The following CISTR variants were observed in gnomAD, a reference collection of about 807,000 sequenced individuals.
CISTR encodes the protein chondrogenic regulator lncRNA.
intron 1 of CISTR, among the ~76,000 whole-genome samples, chr12:53,753,665 GGT>G (rs55769002): frequency 0.22 from 30,756 of 140,982 alleles, 3,136 homozygotes; most frequent in South Asian, 0.37. Flanking sequence ...AATGCATAGG[GGT>G]GTGTGTGTGT....
rs1030361270 is a variant in CISTR at position 53,751,988 on chromosome 12, C to G, written n.415-1023G>C. ...TCTTCCACAGGGTCTCTCCCTCCCC[C>G]TCTCCCCGTGGTTGTCAGACTTTCT... On this transcript the variant is annotated intron_variant and non_coding_transcript_variant, in intron 1 of 2. Transcript: ENST00000669269. The surrounding 1 kb of genome is among the most constrained non-coding windows in gnomAD (Gnocchi z 4.6). Among the ~76,000 whole-genome samples the G allele has an allele frequency of 1.3e-5, 2 of 152,226 alleles. No individual in the cohort carries two copies. Among genetic ancestry groups the G allele is most frequent in the South Asian group, 2.1e-4 (1 of 4,808 alleles).
intron 2 of CISTR, among the ~76,000 whole-genome samples, chr12:53,747,029 G>A (rs184900811): frequency 9.1e-4 from 138 of 152,324 alleles, no homozygotes; most frequent in African/African-American, 2.7e-3. Context: ...AAAGTGGATA[G>A]TGGAGACAAG....
intron 1 of CISTR, among the ~76,000 whole-genome samples, chr12:53,753,548 A>T (rs1433162208): frequency 1.3e-5 from 2 of 152,186 alleles, no homozygotes; most frequent in Non-Finnish European, 2.9e-5. Context: ...GTTAGCAGGG[A>T]GCAGCAAAAC....
chr12:53,752,158 C>A (rs1241473277), intron 1 of CISTR, among the ~76,000 whole-genome samples: 1 of 152,190 alleles, frequency 6.6e-6, no homozygotes, highest in Admixed American at 6.5e-5. Context: ...TCTCTGCCCG[C>A]TGCCGCCGCC....
chr12:53,749,866 C>G (rs921845436), intron 2 of CISTR, among the ~76,000 whole-genome samples: 1 of 152,118 alleles, frequency 6.6e-6, no homozygotes, highest in Non-Finnish European at 1.5e-5. Context: ...AATGGGAAGA[C>G]ATAGAGGAGG....
At chr12:53,752,632 G>C (rs547878631) in intron 1 of CISTR, among the ~76,000 whole-genome samples, 2 of 152,190 alleles carry the variant, frequency 1.3e-5, no homozygotes, top group Non-Finnish European at 2.9e-5. Context: ...CTAGCCTGGA[G>C]CTTTCTTAAA....
At chr12:53,753,332 TG>T (rs1262036998) in intron 1 of CISTR, among the ~76,000 whole-genome samples, 1 of 152,172 alleles carries the variant, frequency 6.6e-6, no homozygotes, top group Non-Finnish European at 1.5e-5. Flanking sequence ...AAGATGAGGC[TG>T]GTCGTCAAGA....
At chr12:53,753,691 T>G (rs1018125489) in intron 1 of CISTR, among the ~76,000 whole-genome samples, 1 of 148,026 alleles carries the variant, frequency 6.8e-6, no homozygotes, top group Non-Finnish European at 1.5e-5. Flanking sequence ...TGTGTGTGTG[T>G]GTGTGTGTGT....
chr12:53,756,244 G>T lies in CISTR; in HGVS notation n.414+570C>A, dbSNP rs911752788. The stretch of plus-strand genomic sequence containing the variant: ...ACCATCCCCTTTTCTGGCTCTCGAG[G>T]TAAGTTCTTTGGGGATGAAGCACCT... On this transcript the variant is annotated intron_variant and non_coding_transcript_variant, in intron 1 of 2. Coordinates refer to ENST00000669269, the Ensembl canonical transcript of CISTR. The surrounding 1 kb of genome is among the most constrained non-coding windows in gnomAD (Gnocchi z 4.0). 4.6e-5 allele frequency among the ~76,000 whole-genome samples: 7 copies of T among 152,144 alleles called. No individual in the cohort carries two copies. Among genetic ancestry groups the T allele is most frequent in the African/African-American group, 1.7e-4 (7 of 41,428 alleles).
Position 53,753,170 on chromosome 12 carries a change from T to G in CISTR, n.415-2205A>C, listed in dbSNP as rs186985980. On this transcript the variant is annotated intron_variant and non_coding_transcript_variant, in intron 1 of 2. Transcript: ENST00000669269. ...CCTGGAATTCTGTCTCTGCTTCAGTTTCTTTCCCTAGTTCCCTCCTGACTC... is the reference window on the plus strand; with the variant it reads ...CCTGGAATTCTGTCTCTGCTTCAGTGTCTTTCCCTAGTTCCCTCCTGACTC... 2.0e-5 allele frequency among the ~76,000 whole-genome samples: 3 copies of G among 152,166 alleles called. No individual in the cohort carries two copies. In the East Asian group the frequency reaches 5.8e-4, roughly 29 times the overall value.
intron 1 of CISTR, among the ~76,000 whole-genome samples, chr12:53,755,308 G>GGTGTGTGTGTGTGT (rs3058893): frequency 4.1e-5 from 6 of 147,150 alleles, no homozygotes; most frequent in Non-Finnish European, 7.5e-5. Context: ...TCCTGTTTGG[G>GGTGTGTGTGTGTGT]GTGTGTGTGT....
intron 1 of CISTR, among the ~76,000 whole-genome samples, chr12:53,753,089 CAGAGAG>C (rs3222078): frequency 3.7e-5 from 3 of 80,500 alleles, no homozygotes; most frequent in South Asian, 3.9e-4. Context: ...CACACACACA[CAGAGAG>C]AGACACACGT....
chr12:53,751,072 G>A lies in CISTR; in HGVS notation n.415-107C>T, dbSNP rs1316743859. The A allele has an allele frequency of 2.0e-5, 3 of 152,550 alleles. No homozygotes were observed. The highest frequency in any genetic ancestry group is 6.6e-5 in the Admixed American group (1 of 15,256). 9.4% of individuals were successfully genotyped at this position (152,550 alleles called of 1,614,324 possible). A position where few individuals can be genotyped will look rare whatever the true frequency, so the allele number is the denominator to read the frequency against. On this transcript the variant is annotated intron_variant and non_coding_transcript_variant, in intron 1 of 2. Transcript: ENST00000669269. This position sits in a 1 kb window ranked among gnomAD's most constrained non-coding sequence, Gnocchi z 4.6. ...GACGGACACTCACACACACACACAC[G>A]CACACACTCACTCCTGCGCACACAG...
At position 53,751,076 on chromosome 12, in the gene CISTR, ACACT is replaced by A. The variant is rs1339698760; in HGVS notation, n.415-115_415-112del. 6.5e-6 allele frequency: 1 copy of A among 152,792 alleles called. No homozygotes were observed. The highest frequency in any genetic ancestry group is 1.5e-5 in the Non-Finnish European group (1 of 68,280). The allele number at this position is 152,792 out of a possible 1,614,324, so 9.5% of individuals were successfully genotyped here. A position where few individuals can be genotyped will look rare whatever the true frequency, so the allele number is the denominator to read the frequency against. The stretch of plus-strand genomic sequence containing the variant: ...GACACTCACACACACACACACGCAC[ACACT>A]CACTCCTGCGCACACAGGCTGCTCC... On this transcript the variant is annotated intron_variant and non_coding_transcript_variant, in intron 1 of 2. Coordinates refer to ENST00000669269, the Ensembl canonical transcript of CISTR. The surrounding 1 kb of genome is among the most constrained non-coding windows in gnomAD (Gnocchi z 4.6).
In CISTR at chr12:53,751,392, A is replaced by C. The variant is rs1937848338; in HGVS notation, n.415-427T>G. On this transcript the variant is annotated intron_variant and non_coding_transcript_variant, in intron 1 of 2. Transcript: ENST00000669269. This position sits in a 1 kb window ranked among gnomAD's most constrained non-coding sequence, Gnocchi z 4.6. ...GTGTCCTCTCCTTCACTCTTTCCCC[A>C]GCCCTGTCGCCTCCCACCCCCCTTC... Among the ~76,000 whole-genome samples the C allele has an allele frequency of 1.3e-5, 2 of 152,136 alleles. No individual in the cohort carries two copies. Among genetic ancestry groups the C allele is most frequent in the Non-Finnish European group, 2.9e-5 (2 of 67,972 alleles).
Position 53,756,762 on chromosome 12 carries a change from G to A in CISTR, n.414+52C>T, listed in dbSNP as rs1937918798. On this transcript the variant is annotated intron_variant and non_coding_transcript_variant, in intron 1 of 2. Transcript: ENST00000669269. The surrounding 1 kb of genome is among the most constrained non-coding windows in gnomAD (Gnocchi z 4.0). The stretch of plus-strand genomic sequence containing the variant: ...TGTGTGTGTGTGTGTACTGGGGAGG[G>A]GGGATGAGATGGGAGGAAGTGGGGT... 6.6e-6 allele frequency: 1 copy of A among 151,156 alleles called. No individual in the cohort carries two copies. The highest frequency in any genetic ancestry group is 2.5e-5 in the African/African-American group (1 of 39,380). 9.4% of individuals were successfully genotyped at this position (151,156 alleles called of 1,614,324 possible). A position where few individuals can be genotyped will look rare whatever the true frequency, so the allele number is the denominator to read the frequency against.
At chr12:53,754,215 A>G (rs994055318) in intron 1 of CISTR, 2 of 152,180 alleles carry the variant, frequency 1.3e-5, no homozygotes, top group Admixed American at 6.5e-5. Flanking sequence ...AAGCTAAAAA[A>G]TCTTCAACAA....
At chr12:53,750,658 T>G (rs1937838103) in exon 2 of CISTR, 2 of 153,022 alleles carry the variant, frequency 1.3e-5, no homozygotes, top group Non-Finnish European at 2.9e-5. Flanking sequence ...CCCAGGCTCT[T>G]GTCTATCCAT....
At chr12:53,754,444 C>T (rs888256640) in intron 1 of CISTR, 5 of 152,138 alleles carry the variant, frequency 3.3e-5, no homozygotes, top group Admixed American at 2.0e-4. Context: ...GGAACAGAAA[C>T]GGCAGGAGTT....
Sources: allele counts gnomAD v4.1 joint callset (sites outside exome capture counted in the v4.1 genomes callset), GRCh38; gene constraint gnomAD v4.1.1; non-coding constraint Gnocchi (gnomAD v3.1); transcripts MANE v1.5; gene names NCBI Gene and HGNC (gene_info 2026-07-23, HGNC 2026-07-21).